The following CNOT10 variants were observed in gnomAD, a reference collection of about 807,000 sequenced individuals.
CNOT10 encodes the protein CCR4-NOT transcription complex subunit 10.
CNOT10 carries 30 observed loss-of-function variants against 94.6 expected under a neutral mutation model. That is an observed-to-expected ratio of 0.32 (90% confidence interval 0.24 to 0.43). The LOEUF is 0.43. Among genes scored for constraint, CNOT10 ranks in the 20% least tolerant of loss-of-function variants. The pLI is 1.00. For synonymous variants in CNOT10, 289 were observed against 301.6 expected (o/e 0.96, Z 0.43); for missense variants, 759 against 877.2 (o/e 0.87, Z 1.70).
chr3:32,692,492 A>G (rs983752991), intron 1 of CNOT10, among the ~76,000 whole-genome samples: 2 of 152,338 alleles, frequency 1.3e-5, no homozygotes, highest in Non-Finnish European at 1.5e-5. Context: ...GTGATGTTAT[A>G]TACTTTATTT....
chr3:32,717,245 T>C lies in CNOT10; in HGVS notation c.744+8T>C. ...ATGAATACAGCTGGAAATGTAAGTTTCTTCTGGACTTTTGTTTTTCAATTT... is the reference window on the plus strand; with the variant it reads ...ATGAATACAGCTGGAAATGTAAGTTCCTTCTGGACTTTTGTTTTTCAATTT... On this transcript the variant is annotated splice_region_variant and intron_variant, in intron 7 of 18. Transcript: ENST00000328834. The C allele has an allele frequency of 1.3e-6, 2 of 1,567,624 alleles. No homozygotes were observed. The highest frequency in any genetic ancestry group is 4.5e-5 in the East Asian group (2 of 44,436).
chr3:32,750,783 C>G (rs1051178343), intron 13 of CNOT10, among the ~76,000 whole-genome samples: 1 of 152,062 alleles, frequency 6.6e-6, no homozygotes, highest in African/African-American at 2.4e-5. Context: ...AACTCCTGAC[C>G]TCGTGATCTG....
chr3:32,769,718 T>G (rs992053331), intron 17 of CNOT10, 169 bp from the exon 18 acceptor site: 15 of 584,602 alleles, frequency 2.6e-5, no homozygotes, highest in Non-Finnish European at 4.7e-5. Context: ...TGTTAGGTTT[T>G]AAGACAAAAG....
chr3:32,773,261 GCCATGC>G (rs971721926), intron 18 of CNOT10, among the ~76,000 whole-genome samples, 190 bp from the exon 19 acceptor site: 3 of 152,132 alleles, frequency 2.0e-5, no homozygotes, highest in African/African-American at 7.2e-5. Flanking sequence ...CATTGCCTGG[GCCATGC>G]CCTACATCGC....
At chr3:32,768,780 C>T (rs180755283) in intron 17 of CNOT10, among the ~76,000 whole-genome samples, 6 of 152,132 alleles carry the variant, frequency 3.9e-5, no homozygotes, top group African/African-American at 7.2e-5. Flanking sequence ...CAACATGCCC[C>T]GCTAGTCTGA....
chr3:32,698,606 A>G (rs1490232069), intron 1 of CNOT10, among the ~76,000 whole-genome samples: 1 of 152,214 alleles, frequency 6.6e-6, no homozygotes, highest in Non-Finnish European at 1.5e-5. Context: ...TTTATTTAGC[A>G]TCTCTAATTA....
rs976296050 is a variant in CNOT10 at position 32,727,851 on chromosome 3, G to A, written c.1196G>A (p.Cys399Tyr). 6.2e-7 allele frequency: 1 copy of A among 1,612,074 alleles called. No homozygotes were observed. The highest frequency in any genetic ancestry group is 8.5e-7 in the Non-Finnish European group (1 of 1,179,596). ...CTCTGGCTACGGCTGGCTGAATGCT[G>A]CATTGCTGCCAATAAGGGGGTGAGT... Reference protein sequence around the residue: ...PRLWLRLAECCIAANKGTSEQ... With the variant: ...PRLWLRLAECYIAANKGTSEQ... Residue 399 changes from cysteine (C) to tyrosine (Y), a missense_variant, in exon 10 of 19, where the codon TGC becomes TAC. This residue lies in a region of CNOT10 where 682 missense variants were observed against 799.4 expected (regional missense o/e 0.85). Coordinates refer to ENST00000328834, the MANE Select transcript of CNOT10 (RefSeq NM_015442.3).
At chr3:32,693,089 T>C (rs1028077527) in intron 1 of CNOT10, among the ~76,000 whole-genome samples, 1 of 152,206 alleles carries the variant, frequency 6.6e-6, no homozygotes, top group African/African-American at 2.4e-5. Context: ...TGACTGTTAG[T>C]CTTCCCAGAA....
At chr3:32,704,599 A>G (rs984134644) in intron 2 of CNOT10, among the ~76,000 whole-genome samples, 4 of 152,154 alleles carry the variant, frequency 2.6e-5, no homozygotes, top group Admixed American at 6.5e-5. Context: ...ATATGTGTCA[A>G]TGTCAGGGTT....
chr3:32,733,346 T>C, intron 10 of CNOT10, 77 bp from the exon 11 acceptor site: 1 of 1,141,884 alleles, frequency 8.8e-7, no homozygotes, highest in Non-Finnish European at 1.2e-6. Context: ...AGAGTAATTG[T>C]GAGAGATATT....
rs34462848 is a variant in CNOT10 at position 32,691,159 on chromosome 3, CTT to C, written c.22+5696_22+5697del. On this transcript the variant is annotated intron_variant, in intron 1 of 18. Transcript: ENST00000328834. ...TGCAGGCACACGCTACCACAGCCAG[CTT>C]TTTTTTTTTTTTTTTTTTGAGATGG... Among the ~76,000 whole-genome samples the C allele has an allele frequency of 3.2e-3, 278 of 88,158 alleles. 2 individuals carry two copies. The highest frequency in any genetic ancestry group is 0.011 in the African/African-American group (236 of 21,206). 57.8% of individuals were successfully genotyped at this position (88,158 alleles called of 152,430 possible). A position where few individuals can be genotyped will look rare whatever the true frequency, so the allele number is the denominator to read the frequency against.
At chr3:32,728,661 T>C (rs1277251630) in intron 10 of CNOT10, among the ~76,000 whole-genome samples, 2 of 152,140 alleles carry the variant, frequency 1.3e-5, no homozygotes, top group Non-Finnish European at 2.9e-5. Context: ...AACATTCTCA[T>C]TCTTGGTAAG....
chr3:32,691,776 C>T (rs1252331424), intron 1 of CNOT10, among the ~76,000 whole-genome samples: 2 of 152,174 alleles, frequency 1.3e-5, no homozygotes, highest in East Asian at 3.8e-4. Flanking sequence ...TTCCTGCCAG[C>T]CAGGCATGGC....
At chr3:32,741,960 T>C (rs1258853833) in intron 13 of CNOT10, among the ~76,000 whole-genome samples, 1 of 151,860 alleles carries the variant, frequency 6.6e-6, no homozygotes, top group Non-Finnish European at 1.5e-5. Context: ...TGTAGGTTTT[T>C]ATTTTATTTT....
At chr3:32,773,054 A>T (rs1700983491) in intron 18 of CNOT10, among the ~76,000 whole-genome samples, 1 of 151,946 alleles carries the variant, frequency 6.6e-6, no homozygotes, top group African/African-American at 2.4e-5. Flanking sequence ...TTTTGTAGAG[A>T]CGGGGTTTCA....
chr3:32,754,489 A>AAAAAATATATATATATATATATAT (rs77878221), intron 13 of CNOT10, among the ~76,000 whole-genome samples: 1 of 70,220 alleles, frequency 1.4e-5, no homozygotes, highest in African/African-American at 7.7e-5. Context: ...AAAAAAAAAA[A>AAAAAATATATATATATATATATAT]ATACATATAT....
chr3:32,726,694 C>CGTA (rs372011572), intron 9 of CNOT10, among the ~76,000 whole-genome samples: 2 of 141,764 alleles, frequency 1.4e-5, no homozygotes, highest in Non-Finnish European at 3.0e-5. Context: ...AGACTCTGTC[C>CGTA]ATAATAATAA....
At position 32,704,878 on chromosome 3, in the gene CNOT10, A is replaced by C. The variant is rs1167952953; in HGVS notation, c.185A>C (p.Lys62Thr). Reference protein sequence around the residue: ...CLQDINKDDYKIILNTAVAEF... With the variant: ...CLQDINKDDYTIILNTAVAEF... ...CAAGATATAAACAAAGATGATTATA[A>C]AATAATTTTGAATACAGCAGTAGCT... is the stretch of plus-strand genomic sequence containing the variant. Residue 62 changes from lysine to threonine, a missense_variant, in exon 3 of 19, where the codon AAA (lysine) becomes ACA (threonine). Coordinates refer to ENST00000328834, the MANE Select transcript of CNOT10 (RefSeq NM_015442.3). The C allele has an allele frequency of 3.2e-6, 5 of 1,577,024 alleles. No individual in the cohort carries two copies. Among genetic ancestry groups the C allele is most frequent in the Non-Finnish European group, 4.3e-6 (5 of 1,169,344 alleles).
Position 32,690,016 on chromosome 3 carries a change from A to C in CNOT10, c.22+4534A>C, listed in dbSNP as rs1306236325. Reference sequence around the variant, plus strand: ...CATAGGGAGCAAAGGCAGCATGGCAAGAGATAAAGTCACAGTTGTATCAGG... The same window carrying C: ...CATAGGGAGCAAAGGCAGCATGGCACGAGATAAAGTCACAGTTGTATCAGG... On this transcript the variant is annotated intron_variant, in intron 1 of 18. Coordinates refer to ENST00000328834, the MANE Select transcript of CNOT10 (RefSeq NM_015442.3). Among the ~76,000 whole-genome samples, 3 of 152,234 alleles carry C rather than the reference A, an allele frequency of 2.0e-5. No homozygotes were observed. The South Asian group carries it at 6.2e-4, about 31-fold the overall frequency.
Sources: gnomAD v4.1 joint callset for allele counts (sites outside exome capture counted in the v4.1 genomes callset) on GRCh38, gnomAD v4.1.1 for gene constraint, gnomAD v4.1.1 regional missense constraint, MANE v1.5 for transcripts, NCBI Gene and HGNC (gene_info 2026-07-23, HGNC 2026-07-21) for gene names.